Variants in STMP1 observed in about 807,000 individuals in gnomAD.
The protein encoded by STMP1 is short transmembrane mitochondrial protein 1.
Under a neutral mutation model 7.0 loss-of-function variants are expected in STMP1, and 7 were observed. That is an observed-to-expected ratio of 1.01 (90% CI 0.57 to 1.89). STMP1 has a LOEUF of 1.89. STMP1 is among the 40% of genes most tolerant of loss of function. The pLI is 0.00. For synonymous variants in STMP1, 19 were observed against 18.4 expected (o/e 1.03, Z -0.08); for missense variants, 45 against 53.0 (o/e 0.85, Z 0.47).
intron 1 of STMP1, chr7:135,665,753 A>G (rs1468792460): frequency 1.3e-5 from 2 of 152,092 alleles, no homozygotes; most frequent in Non-Finnish European, 2.9e-5. Flanking sequence ...ATAGTTACCA[A>G]CACTACCTGA....
intron 2 of STMP1, 133 bp from the exon 3 acceptor site, chr7:135,673,958 A>G (rs1795382999): frequency 1.5e-6 from 1 of 652,486 alleles, no homozygotes; most frequent in South Asian, 2.1e-5. Flanking sequence ...GCAAAAAGAA[A>G]TAACCACTAT....
In STMP1 at chr7:135,674,921, G is replaced by A. The variant is rs1196963449; in HGVS notation, c.*756G>A. 6.6e-6 allele frequency: 1 copy of A among 152,146 alleles called. No individual in the cohort carries two copies. The highest frequency in any genetic ancestry group is 1.5e-5 in the Non-Finnish European group (1 of 68,040). 9.4% of individuals were successfully genotyped at this position (152,146 alleles called of 1,614,324 possible). A position where few individuals can be genotyped will look rare whatever the true frequency, so the allele number is the denominator to read the frequency against. On this transcript the variant is annotated 3_prime_UTR_variant, in exon 3 of 3. Transcript: ENST00000507606. Reference sequence around the variant, plus strand: ...ACATTTGATGTTATATGATGGATAAGTGAAAAGTTTTTAAAGGAGATTTTA... The same window carrying A: ...ACATTTGATGTTATATGATGGATAAATGAAAAGTTTTTAAAGGAGATTTTA...
chr7:135,664,117 AT>A (rs1348553616), intron 1 of STMP1, among the ~76,000 whole-genome samples: 1 of 152,190 alleles, frequency 6.6e-6, no homozygotes, highest in Non-Finnish European at 1.5e-5. Flanking sequence ...TCCTAACTAG[AT>A]GTTAGTTTAG....
In STMP1 at chr7:135,675,899, G is replaced by A. The variant is rs1207495465; in HGVS notation, c.*1734G>A. The A allele has an allele frequency of 6.6e-6, 1 of 150,540 alleles. No homozygotes were observed. The highest frequency in any genetic ancestry group is 1.9e-4 in the East Asian group (1 of 5,188). The allele number at this position is 150,540 out of a possible 1,614,324, so 9.3% of individuals were successfully genotyped here. A position where few individuals can be genotyped will look rare whatever the true frequency, so the allele number is the denominator to read the frequency against. ...TTAAATTATGGTTTGACTTTTCCTA[G>A]CAGCGTGATCATGGGCAAGTGGCTT... On this transcript the variant is annotated 3_prime_UTR_variant, in exon 3 of 3. Coordinates refer to ENST00000507606, the MANE Select transcript of STMP1 (RefSeq NM_001130929.2).
chr7:135,669,217 G>A (rs1037792875), intron 1 of STMP1, among the ~76,000 whole-genome samples: 1 of 152,250 alleles, frequency 6.6e-6, no homozygotes, highest in African/African-American at 2.4e-5. Flanking sequence ...TGAGATTTGG[G>A]TGGGAACACA....
At chr7:135,672,171 G>A (rs1189606602) in intron 1 of STMP1, among the ~76,000 whole-genome samples, 1 of 152,164 alleles carries the variant, frequency 6.6e-6, no homozygotes, top group Non-Finnish European at 1.5e-5. Flanking sequence ...GTAGAGACGA[G>A]GTTTCACCAT....
Position 135,670,198 on chromosome 7 carries a change from G to T in STMP1, c.16-2555G>T, listed in dbSNP as rs903240754. Among the ~76,000 whole-genome samples the T allele has an allele frequency of 2.0e-5, 3 of 152,210 alleles. No individual in the cohort carries two copies. The East Asian group carries it at 5.8e-4, about 29-fold the overall frequency. On this transcript the variant is annotated intron_variant, in intron 1 of 2. Coordinates refer to ENST00000507606, the MANE Select transcript of STMP1 (RefSeq NM_001130929.2). The stretch of plus-strand genomic sequence containing the variant: ...TAAAGTCTCAAAATTATTACAGAGA[G>T]GGTGTGATAGTAATGCACTTAGTGT...
chr7:135,674,324 C>A lies in STMP1; in HGVS notation c.*159C>A. ...TTGCTTTAAAGCAAGCAAAATGGGGCCCCAATTTGAGAACTACCCGACATT... is the reference window on the plus strand; with the variant it reads ...TTGCTTTAAAGCAAGCAAAATGGGGACCCAATTTGAGAACTACCCGACATT... On this transcript the variant is annotated 3_prime_UTR_variant, in exon 3 of 3. Transcript: ENST00000507606. 1.7e-6 allele frequency: 1 copy of A among 579,364 alleles called. No homozygotes were observed. The highest frequency in any genetic ancestry group is 3.0e-6 in the Non-Finnish European group (1 of 328,476). The allele number at this position is 579,364 out of a possible 1,614,324, so 35.9% of individuals were successfully genotyped here.
chr7:135,672,751 A>G lies in STMP1; in HGVS notation c.16-2A>G. On this transcript the variant is annotated splice_acceptor_variant, in intron 1 of 2. Coordinates refer to ENST00000507606, the MANE Select transcript of STMP1 (RefSeq NM_001130929.2). LOFTEE classifies it high-confidence loss of function. Reference sequence around the variant, plus strand: ...ATAACTCTTACTGTTCTATTTTTTCAGCTTGGATTTACACTGGGCAACGTG... The same window carrying G: ...ATAACTCTTACTGTTCTATTTTTTCGGCTTGGATTTACACTGGGCAACGTG... 3 of 1,551,070 alleles carry G rather than the reference A, an allele frequency of 1.9e-6. No individual in the cohort carries two copies. The highest frequency in any genetic ancestry group is 2.6e-6 in the Non-Finnish European group (3 of 1,146,456).
At chr7:135,665,530 C>A (rs972724405) in intron 1 of STMP1, 2 of 151,736 alleles carry the variant, frequency 1.3e-5, no homozygotes, top group Admixed American at 1.3e-4. Context: ...TGAAGCAATC[C>A]TCCCACCTCA....
At chr7:135,670,264 C>CTT (rs199808510) in intron 1 of STMP1, among the ~76,000 whole-genome samples, 1,780 of 152,088 alleles carry the variant, frequency 0.012, 48 homozygotes, top group African/African-American at 0.04. Context: ...ATGCCACAGT[C>CTT]TTCTCTACAG....
At chr7:135,665,176 A>C (rs961506437) in intron 1 of STMP1, among the ~76,000 whole-genome samples, 2 of 152,196 alleles carry the variant, frequency 1.3e-5, no homozygotes, top group Non-Finnish European at 2.9e-5. Flanking sequence ...CTTCTCTCAG[A>C]AGGGTAGGTG....
Position 135,662,557 on chromosome 7 carries a change from T to C in STMP1, c.-23T>C, listed in dbSNP as rs534585057. Reference sequence around the variant, plus strand: ...GGAGCTGCTGCAGTCCTTCGCGCCCTCCTCGCCCTCCCCACCGACATCATG... The same window carrying C: ...GGAGCTGCTGCAGTCCTTCGCGCCCCCCTCGCCCTCCCCACCGACATCATG... On this transcript the variant is annotated 5_prime_UTR_variant, in exon 1 of 3. Coordinates refer to ENST00000507606, the MANE Select transcript of STMP1 (RefSeq NM_001130929.2). The C allele has an allele frequency of 7.1e-6, 11 of 1,546,440 alleles. No homozygotes were observed. In the Admixed American group the frequency reaches 9.9e-5, roughly 14 times the overall value.
intron 1 of STMP1, among the ~76,000 whole-genome samples, chr7:135,672,073 G>T (rs920124888): frequency 6.6e-6 from 1 of 152,138 alleles, no homozygotes; most frequent in African/African-American, 2.4e-5. Context: ...TCTGCCTCCC[G>T]GTTTCAAGTG....
At chr7:135,667,233 C>G (rs1387383861) in intron 1 of STMP1, among the ~76,000 whole-genome samples, 1 of 152,146 alleles carries the variant, frequency 6.6e-6, no homozygotes, top group Middle Eastern at 3.2e-3. Context: ...ATTTTTGAGA[C>G]GGAGTCTCGC....
rs535301741 is a variant in STMP1, at chr7:135,672,679, A to G, written c.16-74A>G. Reference sequence around the variant, plus strand: ...TAAGCTTCTTAGGAAGATATTGTCTATGTATTTTAGTTTGGAATCAGACTG... The same window carrying G: ...TAAGCTTCTTAGGAAGATATTGTCTGTGTATTTTAGTTTGGAATCAGACTG... On this transcript the variant is annotated intron_variant, in intron 1 of 2. Transcript: ENST00000507606. The G allele has an allele frequency of 8.5e-6, 9 of 1,063,140 alleles. No homozygotes were observed. The South Asian group carries it at 9.5e-5, about 11-fold the overall frequency. 65.9% of individuals were successfully genotyped at this position (1,063,140 alleles called of 1,614,324 possible).
At chr7:135,665,869 G>A (rs1394565092) in intron 1 of STMP1, among the ~76,000 whole-genome samples, 4 of 151,736 alleles carry the variant, frequency 2.6e-5, no homozygotes, top group African/African-American at 9.7e-5. Context: ...TGTGCACACT[G>A]CCTATGATGT....
chr7:135,663,334 C>G (rs1482316010), intron 1 of STMP1, among the ~76,000 whole-genome samples: 1 of 152,090 alleles, frequency 6.6e-6, no homozygotes, highest in Non-Finnish European at 1.5e-5. Flanking sequence ...TGCTTTCAAC[C>G]TCTATTTTTT....
At chr7:135,667,292 C>T (rs182962652) in intron 1 of STMP1, among the ~76,000 whole-genome samples, 29 of 152,278 alleles carry the variant, frequency 1.9e-4, no homozygotes, top group Non-Finnish European at 3.8e-4. Context: ...CTCACTGCAA[C>T]CTCTGCTTCC....
Sources: gnomAD v4.1 joint callset for allele counts (sites outside exome capture counted in the v4.1 genomes callset) on GRCh38, gnomAD v4.1.1 for gene constraint, MANE v1.5 for transcripts, NCBI Gene and HGNC (gene_info 2026-07-23, HGNC 2026-07-21) for gene names.